Variants in BMP6 observed in about 807,000 individuals in gnomAD.
BMP6 encodes the protein bone morphogenetic protein 6, also known as VG-1-R.
Under a neutral mutation model 54.1 loss-of-function variants are expected in BMP6, and 17 were observed. The ratio of observed to expected loss-of-function variants is 0.31; its 90% CI spans 0.22 to 0.47. The LOEUF is 0.47. Ranked by LOEUF, BMP6 falls within the 20% of genes least tolerant of loss-of-function variation. The pLI, the probability that BMP6 is intolerant of heterozygous loss-of-function variation, is 1.00. For missense variants in BMP6, 720 were observed against 690.4 expected (o/e 1.04, Z -0.48); for synonymous variants, 328 against 291.2 (o/e 1.13, Z -1.28).
chr6:7,771,602 C>T (rs1757788651), intron 1 of BMP6, among the ~76,000 whole-genome samples: 1 of 152,190 alleles, frequency 6.6e-6, no homozygotes, highest in Non-Finnish European at 1.5e-5. Flanking sequence ...ATATTGACCC[C>T]ACAGCCTGTG....
chr6:7,792,828 G>A (rs1416243941), intron 1 of BMP6, among the ~76,000 whole-genome samples: 1 of 152,192 alleles, frequency 6.6e-6, no homozygotes, highest in Admixed American at 6.5e-5. Flanking sequence ...CAGACAAACT[G>A]CAAGAGGGAA....
intron 1 of BMP6, among the ~76,000 whole-genome samples, chr6:7,827,534 C>T (rs1035280323): frequency 6.6e-6 from 1 of 152,154 alleles, no homozygotes; most frequent in Non-Finnish European, 1.5e-5. Context: ...ATAAGAATTT[C>T]CTTCTCCAGC....
At position 7,828,999 on chromosome 6, in the gene BMP6, G is replaced by A. The variant is rs185368604; in HGVS notation, c.665-16141G>A. On this transcript the variant is annotated intron_variant, in intron 1 of 6. Coordinates refer to ENST00000283147, the MANE Select transcript of BMP6 (RefSeq NM_001718.6). ...CCGCGAATAATAGGTCATCTGATGC[G>A]GTATAATTTAATAGGAATATGAATC... is the stretch of plus-strand genomic sequence containing the variant. 4.3e-4 allele frequency among the ~76,000 whole-genome samples: 66 copies of A among 152,254 alleles called. 1 individual carries two copies. The Middle Eastern group carries it at 0.01, about 24-fold the overall frequency.
At chr6:7,843,085 C>T (rs748137218) in intron 1 of BMP6, among the ~76,000 whole-genome samples, 6 of 152,072 alleles carry the variant, frequency 3.9e-5, no homozygotes, top group Admixed American at 6.5e-5. Flanking sequence ...AGTGATACAC[C>T]GTCCTGTGTG....
At chr6:7,768,160 A>G (rs981264390) in intron 1 of BMP6, among the ~76,000 whole-genome samples, 9 of 152,086 alleles carry the variant, frequency 5.9e-5, no homozygotes, top group Admixed American at 5.9e-4. Flanking sequence ...AGGCCTTGTT[A>G]AGAAGAACGG....
intron 1 of BMP6, among the ~76,000 whole-genome samples, chr6:7,769,041 A>G (rs563166068): frequency 6.6e-6 from 1 of 152,370 alleles, no homozygotes; most frequent in South Asian, 2.1e-4. Context: ...GTTCAAAAGG[A>G]GTATACGCTT....
Position 7,727,585 on chromosome 6 carries a change from C to T in BMP6, c.630C>T (p.Asn210=). The part of the protein sequence containing the change: ...LTSAQDSAFL[N]DADMVMSFVN... ...GCGCGCAGGACAGCGCCTTCCTCAA[C>T]GACGCGGACATGGTCATGAGCTTTG... is the stretch of plus-strand genomic sequence containing the variant. Residue 210 remains asparagine (N), a synonymous_variant, in exon 1 of 7, where the codon AAC becomes AAT. Coordinates refer to ENST00000283147, the MANE Select transcript of BMP6 (RefSeq NM_001718.6). The T allele has an allele frequency of 1.3e-6, 2 of 1,580,126 alleles. No individual in the cohort carries two copies. Among genetic ancestry groups the T allele is most frequent in the Non-Finnish European group, 8.5e-7 (1 of 1,172,250 alleles).
chr6:7,760,260 T>G (rs1398803183), intron 1 of BMP6, among the ~76,000 whole-genome samples: 2 of 152,026 alleles, frequency 1.3e-5, no homozygotes, highest in African/African-American at 4.8e-5. Flanking sequence ...TATGATAGAC[T>G]AGTGAAATTA....
At position 7,759,266 on chromosome 6, in the gene BMP6, G is replaced by A. The variant is rs551226597; in HGVS notation, c.664+31647G>A. On this transcript the variant is annotated intron_variant, in intron 1 of 6. Coordinates refer to ENST00000283147, the MANE Select transcript of BMP6 (RefSeq NM_001718.6). ...CCAGGAACGTGGTGTCCCCAGGAAG[G>A]TCATACATTGCCACAGAATCTGGCC... Among the ~76,000 whole-genome samples, 8 of 152,286 alleles carry A rather than the reference G, an allele frequency of 5.3e-5. No homozygotes were observed. The South Asian group carries it at 1.7e-3, about 32-fold the overall frequency.
chr6:7,852,945 T>TC (rs953569150), intron 2 of BMP6, among the ~76,000 whole-genome samples: 1 of 152,132 alleles, frequency 6.6e-6, no homozygotes, highest in Non-Finnish European at 1.5e-5. Context: ...CCCCTTTTTT[T>TC]CTGGGACTTT....
At chr6:7,875,584 C>T (rs1223987485) in intron 4 of BMP6, among the ~76,000 whole-genome samples, 1 of 152,104 alleles carries the variant, frequency 6.6e-6, no homozygotes, top group Admixed American at 6.5e-5. Flanking sequence ...GGGAGGATTG[C>T]TTGAGCCCAG....
intron 4 of BMP6, among the ~76,000 whole-genome samples, chr6:7,875,079 GT>G (rs1759587878): frequency 6.6e-6 from 1 of 152,150 alleles, no homozygotes; most frequent in African/African-American, 2.4e-5. Context: ...TGAGAACCAG[GT>G]GAGCCAGTGG....
intron 1 of BMP6, among the ~76,000 whole-genome samples, chr6:7,824,498 A>G (rs1240378009): frequency 6.6e-6 from 1 of 152,214 alleles, no homozygotes; most frequent in East Asian, 1.9e-4. Context: ...GTTTATCTCA[A>G]GGATATCAAA....
In BMP6 at chr6:7,861,493, C is replaced by T; in HGVS notation, c.900C>T (p.Ala300=). ...TGTTGGACACCCGTGTAGTATGGGC[C>T]TCAGAAGAAGGCTGGCTGGAATTTG... The part of the protein sequence containing the change: ...LFLLDTRVVW[A]SEEGWLEFDI... Residue 300 remains alanine (A), a synonymous_variant, in exon 3 of 7, where the codon GCC becomes GCT. Transcript: ENST00000283147. 6.2e-7 allele frequency: 1 copy of T among 1,614,148 alleles called. No homozygotes were observed. The highest frequency in any genetic ancestry group is 8.5e-7 in the Non-Finnish European group (1 of 1,180,024).
intron 1 of BMP6, among the ~76,000 whole-genome samples, chr6:7,785,309 G>A (rs1332007471): frequency 6.6e-6 from 1 of 152,234 alleles, no homozygotes. Flanking sequence ...AGCTGGGAGT[G>A]TGGTGGCTAA....
chr6:7,878,993 TG>T, intron 4 of BMP6, 80 bp from the exon 5 acceptor site: 1 of 1,371,154 alleles, frequency 7.3e-7, no homozygotes, highest in Non-Finnish European at 1.0e-6. Context: ...GAGCCTGGCA[TG>T]TGGTAAACTC....
At chr6:7,772,346 C>T (rs1333534123) in intron 1 of BMP6, among the ~76,000 whole-genome samples, 4 of 152,184 alleles carry the variant, frequency 2.6e-5, no homozygotes, top group East Asian at 1.9e-4. Flanking sequence ...GGGATCTTTT[C>T]GTTGGTGAAT....
intron 1 of BMP6, among the ~76,000 whole-genome samples, chr6:7,756,293 G>A (rs941383719): frequency 6.6e-6 from 1 of 151,952 alleles, no homozygotes; most frequent in Admixed American, 6.6e-5. Flanking sequence ...TATCTAAACT[G>A]CTGTTAATAC....
intron 1 of BMP6, among the ~76,000 whole-genome samples, chr6:7,762,067 G>A (rs367966990): frequency 8.6e-5 from 13 of 151,940 alleles, no homozygotes; most frequent in South Asian, 2.1e-4. Flanking sequence ...GATTACAGGC[G>A]CCCGCCACCA....
Sources: gnomAD v4.1 joint callset for allele counts (sites outside exome capture counted in the v4.1 genomes callset) on GRCh38, gnomAD v4.1.1 for gene constraint, MANE v1.5 for transcripts, NCBI Gene and HGNC (gene_info 2026-07-23, HGNC 2026-07-21) for gene names.